Variants in ZNF609 observed in about 807,000 individuals in gnomAD.
The protein encoded by ZNF609 is zinc finger protein 609.
A neutral mutation model predicts 109.5 loss-of-function variants in ZNF609; 11 were observed. That is an observed-to-expected ratio of 0.10 (90% CI 0.06 to 0.17). ZNF609 has a LOEUF of 0.17. Among genes scored for constraint, ZNF609 ranks in the 10% least tolerant of loss-of-function variants. ZNF609 has a pLI of 1.00. For missense variants in ZNF609, 1,559 were observed against 1,772.4 expected (o/e 0.88, Z 2.16); for synonymous variants, 646 against 662.0 (o/e 0.98, Z 0.37).
intron 2 of ZNF609, among the ~76,000 whole-genome samples, chr15:64,588,442 A>AAAAAAAAAAAAAAAAAAAG (rs71133451): frequency 0.028 from 2,072 of 75,152 alleles, 678 homozygotes; most frequent in East Asian, 0.063. Context: ...AAAAAAAAAA[A>AAAAAAAAAAAAAAAAAAAG]AAGAAGAGGA....
intron 1 of ZNF609, among the ~76,000 whole-genome samples, chr15:64,483,294 A>G (rs35336839): frequency 0.054 from 8,245 of 152,136 alleles, 294 homozygotes; most frequent in Non-Finnish European, 0.085. Context: ...GGGGTTCTCC[A>G]TGTTGGTCAG....
intron 2 of ZNF609, among the ~76,000 whole-genome samples, chr15:64,609,533 C>T (rs1422935629): frequency 1.3e-5 from 2 of 150,460 alleles, no homozygotes; most frequent in African/African-American, 4.9e-5. Context: ...TGGTCTTGAA[C>T]TCCTGACCTC....
At chr15:64,469,427 C>CAA (rs34210041) in intron 1 of ZNF609, among the ~76,000 whole-genome samples, 138 of 73,534 alleles carry the variant, frequency 1.9e-3, no homozygotes, top group South Asian at 4.4e-3. Flanking sequence ...ACCCTATTTC[C>CAA]AAAAAAAAAA....
chr15:64,591,225 C>A (rs193094090), intron 2 of ZNF609, among the ~76,000 whole-genome samples: 110 of 152,144 alleles, frequency 7.2e-4, no homozygotes, highest in African/African-American at 2.5e-3. Flanking sequence ...GTCAAGAGAT[C>A]GAGACCATCC....
intron 2 of ZNF609, among the ~76,000 whole-genome samples, chr15:64,535,438 G>A (rs930126274): frequency 1.3e-5 from 2 of 152,102 alleles, no homozygotes; most frequent in East Asian, 1.9e-4. Context: ...AGGTTGTTGC[G>A]TGTATCAATA....
chr15:64,481,460 A>G (rs958546107), intron 1 of ZNF609, among the ~76,000 whole-genome samples: 2 of 151,376 alleles, frequency 1.3e-5, no homozygotes, highest in African/African-American at 4.9e-5. Flanking sequence ...AGCTAGGATT[A>G]CAGGCATGTG....
chr15:64,562,010 T>A (rs2140404297), intron 2 of ZNF609, among the ~76,000 whole-genome samples: 1 of 152,352 alleles, frequency 6.6e-6, no homozygotes, highest in South Asian at 2.1e-4. Flanking sequence ...TATTTTATAA[T>A]GTACCACCTG....
At chr15:64,538,992 G>C (rs1894199870) in intron 2 of ZNF609, among the ~76,000 whole-genome samples, 1 of 151,806 alleles carries the variant, frequency 6.6e-6, no homozygotes, top group Admixed American at 6.6e-5. Context: ...GCACCACCAT[G>C]CCTGACTGGT....
At chr15:64,508,680 G>GC (rs199612349) in intron 2 of ZNF609, among the ~76,000 whole-genome samples, 10,856 of 136,910 alleles carry the variant, frequency 0.079, 539 homozygotes, top group Middle Eastern at 0.099. Flanking sequence ...TTGAGACCCA[G>GC]AAAATTTTTT....
intron 2 of ZNF609, among the ~76,000 whole-genome samples, chr15:64,535,750 G>C (rs1894132179): frequency 6.6e-6 from 1 of 152,176 alleles, no homozygotes; most frequent in African/African-American, 2.4e-5. Flanking sequence ...AAATGTGTGA[G>C]AAATCTAGTT....
chr15:64,589,427 C>T (rs776753178), intron 2 of ZNF609, among the ~76,000 whole-genome samples: 4 of 152,128 alleles, frequency 2.6e-5, no homozygotes, highest in African/African-American at 4.8e-5. Flanking sequence ...GGCAGCAATA[C>T]CAAATGCTTC....
chr15:64,650,691 A>G (rs190909658), intron 3 of ZNF609, among the ~76,000 whole-genome samples: 1 of 152,196 alleles, frequency 6.6e-6, no homozygotes, highest in African/African-American at 2.4e-5. Flanking sequence ...TAGCATCTCA[A>G]CCTCCTGAAA....
rs187401403 is a variant in ZNF609, at chr15:64,531,969, C to T, written c.747+31803C>T. Among the ~76,000 whole-genome samples the T allele has an allele frequency of 2.6e-5, 4 of 152,238 alleles. No homozygotes were observed. The East Asian group carries it at 7.7e-4, about 29-fold the overall frequency. On this transcript the variant is annotated intron_variant, in intron 2 of 9. Transcript: ENST00000326648. ...CCCTCCATTGGCTCTTAATTTCATT[C>T]AGAGAAAAAGTCAATGATCCACATG... is the stretch of plus-strand genomic sequence containing the variant.
intron 2 of ZNF609, among the ~76,000 whole-genome samples, chr15:64,515,869 C>T (rs1260706929): frequency 6.8e-6 from 1 of 146,942 alleles, no homozygotes. Context: ...ACCTGGGAGG[C>T]GGGGGTTGCA....
At chr15:64,632,522 C>T (rs1595746807) in intron 3 of ZNF609, among the ~76,000 whole-genome samples, 1 of 151,930 alleles carries the variant, frequency 6.6e-6, no homozygotes, top group East Asian at 1.9e-4. Flanking sequence ...TACTCTGTCA[C>T]CCAGGCTAGG....
At chr15:64,527,781 A>G (rs1562448) in intron 2 of ZNF609, among the ~76,000 whole-genome samples, 13,440 of 152,162 alleles carry the variant, frequency 0.088, 1,185 homozygotes, top group African/African-American at 0.23. Context: ...CACATCTGGT[A>G]CATCACAAAG....
chr15:64,550,929 G>GT (rs1421113597), intron 2 of ZNF609, among the ~76,000 whole-genome samples: 5 of 151,676 alleles, frequency 3.3e-5, no homozygotes, highest in Admixed American at 3.3e-4. Flanking sequence ...TAAGTTTTCA[G>GT]TTTTGATGAA....
At chr15:64,499,181 G>A (rs1033594045) in intron 1 of ZNF609, 112 bp from the exon 2 acceptor site, 1 of 495,058 alleles carries the variant, frequency 2.0e-6, no homozygotes, top group African/African-American at 1.9e-5. Flanking sequence ...TGTCATGTCT[G>A]TTGTGATATG....
rs534351750 is a variant in ZNF609 at position 64,529,227 on chromosome 15, C to A, written c.747+29061C>A. The A allele has an allele frequency of 1.4e-5, 10 of 720,932 alleles. No individual in the cohort carries two copies. In the African/African-American group the frequency reaches 1.7e-4, roughly 12 times the overall value. The allele number at this position is 720,932 out of a possible 1,614,324, so 44.7% of individuals were successfully genotyped here. ...GCAGTTGGTGATGCAGGAGGCATTGCTGACGATCTTGAGGCTGTTGTCATA... is the reference window on the plus strand; with the variant it reads ...GCAGTTGGTGATGCAGGAGGCATTGATGACGATCTTGAGGCTGTTGTCATA... On this transcript the variant is annotated intron_variant, in intron 2 of 9. Transcript: ENST00000326648.
Sources: allele counts gnomAD v4.1 joint callset (sites outside exome capture counted in the v4.1 genomes callset), GRCh38; gene constraint gnomAD v4.1.1; transcripts MANE v1.5; gene names NCBI Gene and HGNC (gene_info 2026-07-23, HGNC 2026-07-21).